The following GREB1 variants were observed in gnomAD, a reference collection of about 807,000 sequenced individuals.
The protein encoded by GREB1 is growth regulating estrogen receptor binding 1.
A neutral mutation model predicts 200.7 loss-of-function variants in GREB1; 106 were observed. The observed-to-expected ratio is 0.53, with a 90% CI of 0.45 to 0.62. GREB1 has a LOEUF of 0.62. Ranked by LOEUF, GREB1 falls within the 20% of genes least tolerant of loss-of-function variation. GREB1 has a pLI of 0.00. For missense variants in GREB1, 2,243 were observed against 2,556.8 expected, an observed-to-expected ratio of 0.88 and a Z score of 2.65; for synonymous variants, 1,132 against 1,092.4, an observed-to-expected ratio of 1.04 and a Z score of -0.72.
chr2:11,620,080 G>A (rs958891852), intron 22 of GREB1, among the ~76,000 whole-genome samples: 4 of 152,134 alleles, frequency 2.6e-5, no homozygotes, highest in South Asian at 2.1e-4. Flanking sequence ...GGGTTCAAGC[G>A]ATTCTCTTGC....
Position 11,610,696 on chromosome 2 carries a change from G to C in GREB1, c.2675G>C (p.Arg892Pro). Residue 892 changes from arginine to proline, a missense_variant, in exon 18 of 33, where the codon CGC becomes CCC. Physicochemically the swap from Arg to Pro is moderately radical, Grantham distance 103. This residue lies in a region of GREB1 where 1,178 missense variants were observed against 1,387.4 expected (regional missense o/e 0.85). Transcript: ENST00000381486. ...CTCTGTGTTCCTTGCAGGTTCCCCC[G>C]CCTGCACAGCGCGGTGATCAGGACC... is the stretch of plus-strand genomic sequence containing the variant. ...MVTALGKRFP[R>P]LHSAVIRTFV... 6.2e-7 allele frequency: 1 copy of C among 1,610,482 alleles called. No individual in the cohort carries two copies. The highest frequency in any genetic ancestry group is 8.5e-7 in the Non-Finnish European group (1 of 1,178,212).
chr2:11,587,353 C>G, intron 9 of GREB1: 1 of 1,540,808 alleles, frequency 6.5e-7, no homozygotes, highest in Non-Finnish European at 9.0e-7. Flanking sequence ...TTTATAGCAA[C>G]TCTTTACCTT....
At chr2:11,519,045 C>T (rs887005551) in intron 1 of GREB1, among the ~76,000 whole-genome samples, 10 of 148,122 alleles carry the variant, frequency 6.8e-5, no homozygotes, top group African/African-American at 2.3e-4. Context: ...TGCAGTGAGC[C>T]GAGATCGCGC....
intron 19 of GREB1, 129 bp from the exon 20 acceptor site, chr2:11,614,962 C>G (rs1683278950): frequency 1.4e-6 from 1 of 699,378 alleles, no homozygotes; most frequent in African/African-American, 1.8e-5. Flanking sequence ...GGCTTTTCCA[C>G]TTGTACGAGT....
In GREB1 at chr2:11,634,185, C is replaced by G; in HGVS notation, c.5046C>G (p.Ile1682Met). The change falls in exon 29 of 33, where the codon ATC becomes ATG. Residue 1682 changes from isoleucine (I) to methionine (M), a missense_variant. Ile to Met is a conservative substitution (Grantham distance 10). This residue lies in a region of GREB1 where 478 missense variants were observed against 616.3 expected (regional missense o/e 0.78). Coordinates refer to ENST00000381486, the MANE Select transcript of GREB1 (RefSeq NM_014668.4). ...NVSLKHIMQHIEAAPDIMHYA... is the reference protein window; with the variant it reads ...NVSLKHIMQHMEAAPDIMHYA... Reference sequence around the variant, plus strand: ...CTTTGAAGCACATCATGCAGCACATCGAGGCGGCCCCCGACATCATGCACT... The same window carrying G: ...CTTTGAAGCACATCATGCAGCACATGGAGGCGGCCCCCGACATCATGCACT... 1 of 1,614,216 alleles carries G rather than the reference C, an allele frequency of 6.2e-7. No individual in the cohort carries two copies. The highest frequency in any genetic ancestry group is 8.5e-7 in the Non-Finnish European group (1 of 1,180,034).
intron 19 of GREB1, 100 bp from the exon 20 acceptor site, chr2:11,614,991 A>C (rs944086158): frequency 1.4e-5 from 12 of 865,232 alleles, no homozygotes; most frequent in Non-Finnish European, 2.4e-5. Flanking sequence ...CCTCACCAGG[A>C]AGGTGGGGTG....
chr2:11,587,074 T>C (rs1221721030), intron 9 of GREB1, among the ~76,000 whole-genome samples: 4 of 152,156 alleles, frequency 2.6e-5, no homozygotes, highest in African/African-American at 9.7e-5. Context: ...CAAGTCTACG[T>C]CTCACACGAG....
intron 1 of GREB1, among the ~76,000 whole-genome samples, chr2:11,494,122 G>A (rs530696751): frequency 6.6e-4 from 100 of 152,350 alleles, no homozygotes; most frequent in African/African-American, 2.3e-3. Flanking sequence ...CCAGGGTTGC[G>A]CGGCCAGCAG....
chr2:11,595,137 C>CAGGT, intron 11 of GREB1, 114 bp from the exon 12 acceptor site: 2 of 945,472 alleles, frequency 2.1e-6, no homozygotes, highest in Non-Finnish European at 3.2e-6. Context: ...CTGTTAGCCA[C>CAGGT]AGATTCCAGA....
Position 11,544,120 on chromosome 2 carries a change from G to A in GREB1, c.-162+9866G>A, listed in dbSNP as rs558200438. ...CCTCATTGCATGATTGGTAACAGGT[G>A]GAGTGAAGGGACCTCAGAGAGGAGT... On this transcript the variant is annotated intron_variant, in intron 1 of 32. Coordinates refer to ENST00000381486, the MANE Select transcript of GREB1 (RefSeq NM_014668.4). Among the ~76,000 whole-genome samples, 6 of 152,276 alleles carry A rather than the reference G, an allele frequency of 3.9e-5. No homozygotes were observed. The South Asian group carries it at 8.3e-4, about 21-fold the overall frequency.
Position 11,618,889 on chromosome 2 carries a change from C to A in GREB1, c.4014C>A (p.Pro1338=). 1 of 1,552,506 alleles carries A rather than the reference C, an allele frequency of 6.4e-7. No homozygotes were observed. The highest frequency in any genetic ancestry group is 2.3e-5 in the East Asian group (1 of 43,918). The change falls in exon 22 of 33, where the codon CCC becomes CCA. Residue 1338 remains proline (P), a synonymous_variant. Coordinates refer to ENST00000381486, the MANE Select transcript of GREB1 (RefSeq NM_014668.4). ...AGGGCCGCGTGGACGGCTTCCACCC[C>A]CGCAGGCTGCTGCTCAGCGGCCCCC... is the stretch of plus-strand genomic sequence containing the variant. ...RAEGRVDGFH[P]RRLLLSGPPQ...
At chr2:11,509,476 T>TAAA (rs763206269) in intron 1 of GREB1, among the ~76,000 whole-genome samples, 4 of 8,902 alleles carry the variant, frequency 4.5e-4, no homozygotes, top group African/African-American at 4.9e-4. Context: ...GTGTTCTCTT[T>TAAA]AAAAAAAAAA....
At chr2:11,485,939 C>T (rs1030255529) in intron 1 of GREB1, among the ~76,000 whole-genome samples, 10 of 152,182 alleles carry the variant, frequency 6.6e-5, no homozygotes, top group Non-Finnish European at 7.4e-5. Flanking sequence ...AAGCCCCCTG[C>T]ATGCTACCCA....
rs1470963999 is a variant in GREB1 at position 11,598,864 on chromosome 2, A to C, written c.2333+4A>C. 3 of 1,611,250 alleles carry C rather than the reference A, an allele frequency of 1.9e-6. No homozygotes were observed. In the South Asian group the frequency reaches 3.3e-5, roughly 18 times the overall value. On this transcript the variant is annotated splice_donor_region_variant and intron_variant, in intron 15 of 32. Transcript: ENST00000381486. The stretch of plus-strand genomic sequence containing the variant: ...ATGCGCACTGGGATCTTGTGAGGTT[A>C]GATTGACTTGATATATGACAAGTTG...
chr2:11,593,176 C>T (rs1455140450), intron 11 of GREB1, 50 bp downstream of exon 11: 7 of 1,273,038 alleles, frequency 5.5e-6, no homozygotes, highest in East Asian at 2.6e-5. Context: ...ACGGTGTTCC[C>T]GGTCCCCTCC....
At chr2:11,562,737 G>T in intron 3 of GREB1, 155 bp downstream of exon 3, 8 of 838,628 alleles carry the variant, frequency 9.5e-6, no homozygotes, top group Non-Finnish European at 1.4e-5. Context: ...CCCTGGGCCC[G>T]CAGCAGGTGC....
intron 3 of GREB1, among the ~76,000 whole-genome samples, chr2:11,565,706 CCCTG>C: frequency 6.6e-6 from 1 of 152,176 alleles, no homozygotes; most frequent in Non-Finnish European, 1.5e-5. Flanking sequence ...GAATGAGAAT[CCCTG>C]TGCTCTCGGC....
At chr2:11,590,366 C>T (rs535251665) in intron 10 of GREB1, among the ~76,000 whole-genome samples, 25 of 152,270 alleles carry the variant, frequency 1.6e-4, no homozygotes, top group African/African-American at 4.1e-4. Context: ...TCCCATCAGT[C>T]GCTCACTCCA....
chr2:11,552,949 G>A (rs550145444), intron 1 of GREB1, among the ~76,000 whole-genome samples: 1 of 148,492 alleles, frequency 6.7e-6, no homozygotes, highest in Non-Finnish European at 1.5e-5. Context: ...GGCGGAGCTT[G>A]CAGTGAGTCG....
Sources: allele counts gnomAD v4.1 joint callset (sites outside exome capture counted in the v4.1 genomes callset), GRCh38; gene constraint gnomAD v4.1.1; regional missense constraint gnomAD v4.1.1; transcripts MANE v1.5; gene names NCBI Gene and HGNC (gene_info 2026-07-23, HGNC 2026-07-21).